GALM: variants seen among roughly 807,000 people sequenced by gnomAD.
GALM encodes the protein galactose mutarotase.
In GALM, 43 loss-of-function variants were observed where a neutral mutation model predicts 37.4. That is an observed-to-expected ratio of 1.15 (90% CI 0.90 to 1.48). GALM has a LOEUF of 1.48. Ranked by LOEUF, GALM falls within the 40% of genes most tolerant of loss-of-function variation. The pLI is 0.00. For synonymous variants in GALM, 199 were observed against 170.6 expected (o/e 1.17, Z -1.30); for missense variants, 456 against 419.1 (o/e 1.09, Z -0.77).
intron 3 of GALM, among the ~76,000 whole-genome samples, chr2:38,682,592 C>T (rs769859107): frequency 6.6e-6 from 1 of 152,162 alleles, no homozygotes; most frequent in Non-Finnish European, 1.5e-5. Context: ...CTTTCACCAT[C>T]CTTCTTGAAA....
At chr2:38,730,196 C>T (rs976945002) in intron 5 of GALM, among the ~76,000 whole-genome samples, 1 of 152,350 alleles carries the variant, frequency 6.6e-6, no homozygotes, top group Admixed American at 6.5e-5. Context: ...GAAGCCCTAC[C>T]TCTACCCCAA....
At chr2:38,702,234 T>TA (rs1294905126) in intron 4 of GALM, among the ~76,000 whole-genome samples, 1 of 152,118 alleles carries the variant, frequency 6.6e-6, no homozygotes, top group Non-Finnish European at 1.5e-5. Context: ...AGCATCTATC[T>TA]AAAATGCAAA....
intron 4 of GALM, among the ~76,000 whole-genome samples, chr2:38,720,106 G>A (rs1371525981): frequency 2.0e-5 from 3 of 152,166 alleles, no homozygotes; most frequent in Non-Finnish European, 4.4e-5. Context: ...TAGCTACTCG[G>A]GAGGCTGTAG....
intron 2 of GALM, among the ~76,000 whole-genome samples, chr2:38,679,619 G>T (rs767998483): frequency 6.6e-6 from 1 of 152,140 alleles, no homozygotes; most frequent in Non-Finnish European, 1.5e-5. Context: ...CCTGCAACAG[G>T]CCCCTTCTTT....
intron 3 of GALM, among the ~76,000 whole-genome samples, chr2:38,685,023 G>A (rs1339279183): frequency 6.6e-6 from 1 of 152,082 alleles, no homozygotes; most frequent in African/African-American, 2.4e-5. Flanking sequence ...CACAGCTCCA[G>A]GAATCACCTC....
intron 1 of GALM, among the ~76,000 whole-genome samples, chr2:38,667,995 C>G (rs932498206): frequency 6.6e-6 from 1 of 152,130 alleles, no homozygotes; most frequent in Non-Finnish European, 1.5e-5. Context: ...CAGGCCTTGC[C>G]GAGTTTCCCC....
intron 1 of GALM, 141 bp from the exon 2 acceptor site, chr2:38,675,770 CG>C: frequency 1.4e-6 from 1 of 715,044 alleles, no homozygotes; most frequent in Non-Finnish European, 2.4e-6. Context: ...AGGGTTTCAC[CG>C]TGTTAGCCAG....
chr2:38,722,893 T>C (rs1666412817), intron 4 of GALM, among the ~76,000 whole-genome samples: 1 of 152,178 alleles, frequency 6.6e-6, no homozygotes, highest in South Asian at 2.1e-4. Flanking sequence ...ACTATGCAGA[T>C]GTGTCACCTC....
chr2:38,708,136 AT>A (rs1666078482), intron 4 of GALM, among the ~76,000 whole-genome samples: 8 of 150,526 alleles, frequency 5.3e-5, no homozygotes, highest in Non-Finnish European at 1.0e-4. Flanking sequence ...ATAAAATAAA[AT>A]AAAATAAAAT....
At chr2:38,689,112 G>A (rs768406561) in intron 3 of GALM, among the ~76,000 whole-genome samples, 8 of 152,152 alleles carry the variant, frequency 5.3e-5, no homozygotes, top group Admixed American at 1.3e-4. Flanking sequence ...GAGCCACCGC[G>A]CCCGGCCTCA....
At position 38,666,166 on chromosome 2, in the gene GALM, C is replaced by T. The variant is rs1159501195; in HGVS notation, c.5C>T (p.Ala2Val). 1.2e-6 allele frequency: 2 copies of T among 1,610,756 alleles called. No homozygotes were observed. The highest frequency in any genetic ancestry group is 4.5e-5 in the East Asian group (2 of 44,812). Residue 2 changes from alanine (A) to valine (V), a missense_variant, in exon 1 of 7, where the codon GCT (alanine) becomes GTT (valine). Physicochemically the swap from Ala to Val is moderately conservative, Grantham distance 64. Coordinates refer to ENST00000272252, the MANE Select transcript of GALM (RefSeq NM_138801.3). M[A>V]SVTRAVFGEL... ...TGCACACGCCAAACTTTCCCTATGG[C>T]TTCGGTGACCAGGGCCGTGTTTGGA...
intron 4 of GALM, among the ~76,000 whole-genome samples, chr2:38,690,468 A>C (rs560364304): frequency 6.6e-6 from 1 of 152,174 alleles, no homozygotes; most frequent in Admixed American, 6.5e-5. Flanking sequence ...ATAGGGTCTC[A>C]TTCTGTTGCC....
At chr2:38,710,021 G>A (rs1051291320) in intron 4 of GALM, among the ~76,000 whole-genome samples, 4 of 152,168 alleles carry the variant, frequency 2.6e-5, no homozygotes, top group East Asian at 1.9e-4. Flanking sequence ...CTAGCACCAC[G>A]TGCTCTTCCT....
At chr2:38,674,882 AAG>A (rs1350619002) in intron 1 of GALM, among the ~76,000 whole-genome samples, 3 of 152,178 alleles carry the variant, frequency 2.0e-5, no homozygotes, top group Admixed American at 6.5e-5. Context: ...GATGTTTTGA[AAG>A]AGAGAAAAGC....
At position 38,733,905 on chromosome 2, in the gene GALM, T is replaced by G. The variant is rs1319631574; in HGVS notation, c.*340T>G. 2.9e-6 allele frequency: 1 copy of G among 341,324 alleles called. No homozygotes were observed. Among genetic ancestry groups the G allele is most frequent in the African/African-American group, 2.1e-5 (1 of 47,134 alleles). The allele number at this position is 341,324 out of a possible 1,614,324, so 21.1% of individuals were successfully genotyped here. A position where few individuals can be genotyped will look rare whatever the true frequency, so the allele number is the denominator to read the frequency against. ...TTTCTTTTCAACTTTTTGCCCTTCC[T>G]TTCTTTAAAGCTATTCTCACATTGC... is the stretch of plus-strand genomic sequence containing the variant. On this transcript the variant is annotated 3_prime_UTR_variant, in exon 7 of 7. Coordinates refer to ENST00000272252, the MANE Select transcript of GALM (RefSeq NM_138801.3).
intron 4 of GALM, among the ~76,000 whole-genome samples, chr2:38,706,900 A>C: frequency 6.6e-6 from 1 of 151,006 alleles, no homozygotes. Context: ...TCGCTATTTT[A>C]ATAGTCCAAG....
intron 3 of GALM, among the ~76,000 whole-genome samples, chr2:38,681,891 A>G (rs1665406965): frequency 6.6e-6 from 1 of 152,156 alleles, no homozygotes; most frequent in African/African-American, 2.4e-5. Flanking sequence ...TATGCTGCCA[A>G]TATGTGTGTG....
At chr2:38,724,110 G>C (rs575728606) in intron 4 of GALM, among the ~76,000 whole-genome samples, 2 of 152,204 alleles carry the variant, frequency 1.3e-5, no homozygotes, top group South Asian at 2.1e-4. Flanking sequence ...GTAAAGACAG[G>C]GTTTCACCAT....
chr2:38,713,098 C>A (rs2148450108), intron 4 of GALM, among the ~76,000 whole-genome samples: 1 of 152,264 alleles, frequency 6.6e-6, no homozygotes, highest in East Asian at 1.9e-4. Flanking sequence ...AGCCTTGCGA[C>A]TTTTGGAGGA....
Sources: gnomAD v4.1 joint callset for allele counts (sites outside exome capture counted in the v4.1 genomes callset) on GRCh38, gnomAD v4.1.1 for gene constraint, MANE v1.5 for transcripts, NCBI Gene and HGNC (gene_info 2026-07-23, HGNC 2026-07-21) for gene names.